The following MRC1 variants were observed in gnomAD, a reference collection of about 807,000 sequenced individuals.
The protein encoded by MRC1 is macrophage mannose receptor 1.
A neutral mutation model predicts 102.9 loss-of-function variants in MRC1; 62 were observed. The observed-to-expected ratio is 0.60, with a 90% confidence interval of 0.49 to 0.74. The LOEUF (loss-of-function observed/expected upper bound fraction) is 0.74, where lower values mean the gene tolerates loss of function less well. MRC1 is among the 30% of genes least tolerant of loss of function. The pLI, the probability that MRC1 is intolerant of heterozygous loss-of-function variation, is 0.00. For synonymous variants in MRC1, 457 were observed against 298.4 expected (o/e 1.53, Z -5.48); for missense variants, 1,237 against 862.8 (o/e 1.43, Z -5.43).
rs1216657215 is a variant in MRC1 at position 17,863,642 on chromosome 10, G to A, written c.1743G>A (p.Glu581=). The A allele has an allele frequency of 6.4e-6, 5 of 780,718 alleles. No homozygotes were observed. Among genetic ancestry groups the A allele is most frequent in the Non-Finnish European group, 1.2e-5 (5 of 417,960 alleles). The allele number at this position is 780,718 out of a possible 1,614,324, so 48.4% of individuals were successfully genotyped here. ...QTKGTFQWTI[E]EEVRFTHWNS... is the part of the protein sequence containing the mutation. ...AAGGGACTTTTCAGTGGACCATCGAGGAAGAGGTTCGGTTCACCCACTGGA... is the reference window on the plus strand; with the variant it reads ...AAGGGACTTTTCAGTGGACCATCGAAGAAGAGGTTCGGTTCACCCACTGGA... Residue 581 remains glutamate, a synonymous_variant, in exon 11 of 30, where the codon GAG becomes GAA. Transcript: ENST00000569591.
intron 3 of MRC1, among the ~76,000 whole-genome samples, chr10:17,830,875 C>T (rs1243295312): frequency 2.9e-5 from 4 of 139,428 alleles, no homozygotes; most frequent in African/African-American, 1.2e-4. Context: ...TTATGTCTCA[C>T]ATTTTCTACT....
intron 3 of MRC1, among the ~76,000 whole-genome samples, chr10:17,832,408 A>T (rs367971789): frequency 1.3e-5 from 2 of 150,106 alleles, no homozygotes; most frequent in South Asian, 2.1e-4. Flanking sequence ...TACAAAAATT[A>T]GCCGGGCGTG....
chr10:17,814,873 C>T (rs1238641536), intron 1 of MRC1, among the ~76,000 whole-genome samples: 6 of 151,768 alleles, frequency 4.0e-5, no homozygotes, highest in Admixed American at 1.3e-4. Flanking sequence ...TCATGCTCAC[C>T]AGGCTGATCT....
chr10:17,816,804 T>C (rs1838319573), intron 1 of MRC1, among the ~76,000 whole-genome samples: 3 of 152,204 alleles, frequency 2.0e-5, no homozygotes, highest in Non-Finnish European at 4.4e-5. Flanking sequence ...TATTTGCTGA[T>C]AGTCAGGAAA....
chr10:17,827,941 G>A (rs1441818129), intron 3 of MRC1, among the ~76,000 whole-genome samples: 1 of 152,116 alleles, frequency 6.6e-6, no homozygotes, highest in Admixed American at 6.5e-5. Context: ...TATACTGTAG[G>A]CTTTGTATGT....
At position 17,870,345 on chromosome 10, in the gene MRC1, G is replaced by A; in HGVS notation, c.2083G>A (p.Glu695Lys). 1.3e-6 allele frequency: 1 copy of A among 780,344 alleles called. No individual in the cohort carries two copies. The highest frequency in any genetic ancestry group is 2.4e-6 in the Non-Finnish European group (1 of 417,670). 48.3% of individuals were successfully genotyped at this position (780,344 alleles called of 1,614,324 possible). A position where few individuals can be genotyped will look rare whatever the true frequency, so the allele number is the denominator to read the frequency against. The change falls in exon 13 of 30, where the codon GAA becomes AAA. Residue 695 changes from glutamate (E) to lysine (K), a missense_variant. Glu to Lys is a moderately conservative substitution (Grantham distance 56). Transcript: ENST00000569591. ...CTTAGCTAGCATCAATAACAAAGAG[G>A]AACAGCAAACAATATGGCGATTAAT... ...GDLASINNKE[E>K]QQTIWRLITA... is the part of the protein sequence containing the mutation.
intron 22 of MRC1, among the ~76,000 whole-genome samples, chr10:17,886,909 A>G (rs1833605574): frequency 6.6e-6 from 1 of 152,208 alleles, no homozygotes; most frequent in Non-Finnish European, 1.5e-5. Context: ...GGGAAATAGA[A>G]TTTAGAGAAA....
At chr10:17,835,445 G>C (rs1049069093) in intron 4 of MRC1, among the ~76,000 whole-genome samples, 10 of 152,218 alleles carry the variant, frequency 6.6e-5, no homozygotes, top group African/African-American at 2.4e-4. Context: ...AAGTCCAATG[G>C]GAAGAAACAG....
intron 25 of MRC1, among the ~76,000 whole-genome samples, chr10:17,901,598 A>C: frequency 6.6e-6 from 1 of 152,096 alleles, no homozygotes; most frequent in East Asian, 1.9e-4. Context: ...CTGAGGCAGG[A>C]GAATCACTTG....
At chr10:17,894,390 CTTTCTTTTT>C in intron 23 of MRC1, 78 bp downstream of exon 23, 9 of 577,356 alleles carry the variant, frequency 1.6e-5, no homozygotes, top group Non-Finnish European at 2.7e-5. Flanking sequence ...TTCTTTCTTT[CTTTCTTTTT>C]TTTTTTTTTT....
At position 17,849,756 on chromosome 10, in the gene MRC1, T is replaced by C. The variant is rs2130642315; in HGVS notation, c.1241T>C (p.Leu414Pro). 1 of 780,666 alleles carries C rather than the reference T, an allele frequency of 1.3e-6. No individual in the cohort carries two copies. Among genetic ancestry groups the C allele is most frequent in the Middle Eastern group, 2.3e-4 (1 of 4,442 alleles). 48.4% of individuals were successfully genotyped at this position (780,666 alleles called of 1,614,324 possible). A position where few individuals can be genotyped will look rare whatever the true frequency, so the allele number is the denominator to read the frequency against. The change falls in exon 7 of 30, where the codon CTA (leucine) becomes CCA (proline). Residue 414 changes from leucine to proline, a missense_variant. Transcript: ENST00000569591. ...GAATTGGACTTTATTATCTCCCAGC[T>C]AGGATATGGTGAGAAACTTGACAGT... ...IEELDFIISQ[L>P]GYEPNDELWI...
intron 8 of MRC1, among the ~76,000 whole-genome samples, 194 bp from the exon 9 acceptor site, chr10:17,856,048 T>A (rs1833086127): frequency 6.6e-6 from 1 of 151,550 alleles, no homozygotes; most frequent in Non-Finnish European, 1.5e-5. Context: ...TGGGTTCCTG[T>A]AATCCTAGCT....
At position 17,877,846 on chromosome 10, in the gene MRC1, A is replaced by G. The variant is rs1310927396; in HGVS notation, c.2551-54A>G. The G allele has an allele frequency of 4.6e-6, 4 of 870,824 alleles. No homozygotes were observed. In the African/African-American group the frequency reaches 6.5e-5, roughly 14 times the overall value. 53.9% of individuals were successfully genotyped at this position (870,824 alleles called of 1,614,324 possible). On this transcript the variant is annotated intron_variant, in intron 17 of 29. Coordinates refer to ENST00000569591, the MANE Select transcript of MRC1 (RefSeq NM_002438.4). ...ATTAACATGTATGTTTTGTTTAAGA[A>G]CTTCCTGATTGTGTGATTCTAAATT...
intron 6 of MRC1, among the ~76,000 whole-genome samples, chr10:17,847,370 T>A (rs1328509042): frequency 6.6e-6 from 1 of 152,200 alleles, no homozygotes; most frequent in Non-Finnish European, 1.5e-5. Flanking sequence ...ATTTTGTTCA[T>A]TTCATCAAAC....
intron 23 of MRC1, among the ~76,000 whole-genome samples, chr10:17,896,454 G>C (rs1833756808): frequency 6.6e-6 from 1 of 152,026 alleles, no homozygotes; most frequent in Admixed American, 6.6e-5. Flanking sequence ...GGACAAGAGG[G>C]GACACTCCTT....
intron 8 of MRC1, among the ~76,000 whole-genome samples, chr10:17,853,365 G>A (rs1273821265): frequency 3.9e-5 from 6 of 152,070 alleles, no homozygotes; most frequent in South Asian, 2.1e-4. Flanking sequence ...GATGAAATTC[G>A]CCTGTAATGA....
intron 23 of MRC1, among the ~76,000 whole-genome samples, chr10:17,894,964 C>G (rs997835758): frequency 2.6e-5 from 4 of 152,102 alleles, no homozygotes; most frequent in African/African-American, 9.7e-5. Context: ...CTTGAGCCCC[C>G]GCATTTGAGA....
chr10:17,873,087 A>G (rs1833377187), intron 15 of MRC1, among the ~76,000 whole-genome samples: 1 of 152,026 alleles, frequency 6.6e-6, no homozygotes, highest in Non-Finnish European at 1.5e-5. Context: ...TCGTAGCTCT[A>G]CTCTTGTAGA....
intron 9 of MRC1, among the ~76,000 whole-genome samples, chr10:17,857,844 T>A (rs1484801432): frequency 2.6e-5 from 4 of 152,184 alleles, no homozygotes; most frequent in Admixed American, 6.5e-5. Flanking sequence ...GGGATTTAAT[T>A]TTCAATTCAA....
Sources: allele counts gnomAD v4.1 joint callset (sites outside exome capture counted in the v4.1 genomes callset), GRCh38; gene constraint gnomAD v4.1.1; transcripts MANE v1.5; gene names NCBI Gene and HGNC (gene_info 2026-07-23, HGNC 2026-07-21).